RALGPS1: variants seen among roughly 807,000 people sequenced by gnomAD.
RALGPS1 encodes ras-specific guanine nucleotide-releasing factor RalGPS1.
RALGPS1 carries 19 observed loss-of-function variants against 78.8 expected under a neutral mutation model. The observed-to-expected ratio is 0.24, with a 90% confidence interval of 0.17 to 0.35. The LOEUF (loss-of-function observed/expected upper bound fraction) is 0.35. Among genes scored for constraint, RALGPS1 ranks in the 10% least tolerant of loss-of-function variants. The pLI is 1.00. For missense variants in RALGPS1, 454 were observed against 688.3 expected, an observed-to-expected ratio of 0.66 and a Z score of 3.81; for synonymous variants, 228 against 256.3, an observed-to-expected ratio of 0.89 and a Z score of 1.06.
chr9:127,087,951 A>G (rs570501934), intron 8 of RALGPS1: 3 of 152,746 alleles, frequency 2.0e-5, no homozygotes, highest in South Asian at 2.1e-4. Context: ...CTGCGAGTAC[A>G]TTATCTATAC....
chr9:127,053,467 GTAAAAATACTT>G (rs1269843502), intron 7 of RALGPS1, among the ~76,000 whole-genome samples: 1 of 152,214 alleles, frequency 6.6e-6, no homozygotes, highest in Non-Finnish European at 1.5e-5. Context: ...TTTTTCTGCT[GTAAAAATACTT>G]TAAAAATATC....
intron 11 of RALGPS1, among the ~76,000 whole-genome samples, chr9:127,175,749 T>A (rs1322850558): frequency 6.7e-6 from 1 of 149,946 alleles, no homozygotes; most frequent in Non-Finnish European, 1.5e-5. Flanking sequence ...AACGTTGGAA[T>A]GTCAAAAACA....
chr9:127,207,404 C>G (rs1260853526), intron 14 of RALGPS1, among the ~76,000 whole-genome samples: 1 of 152,162 alleles, frequency 6.6e-6, no homozygotes, highest in Non-Finnish European at 1.5e-5. Context: ...GTCAAACGGC[C>G]TTCCTAGGAC....
rs563408115 is a variant in RALGPS1 at position 127,038,435 on chromosome 9, A to C, written c.300+3921A>C. 6.3e-4 allele frequency among the ~76,000 whole-genome samples: 96 copies of C among 152,266 alleles called. 1 individual carries two copies. The highest frequency in any genetic ancestry group is 2.2e-3 in the African/African-American group (93 of 41,550). On this transcript the variant is annotated intron_variant, in intron 5 of 18. Coordinates refer to ENST00000259351, the MANE Select transcript of RALGPS1 (RefSeq NM_014636.3). The stretch of plus-strand genomic sequence containing the variant: ...TTTTCTGAACACTTTTCTAATAGAA[A>C]CTTCTGCTTTTCCAAACCTAATTTA...
At chr9:127,132,447 C>T (rs2057072148) in intron 8 of RALGPS1, among the ~76,000 whole-genome samples, 1 of 152,208 alleles carries the variant, frequency 6.6e-6, no homozygotes, top group Non-Finnish European at 1.5e-5. Context: ...TTCTGCTTCG[C>T]CTTGGAATTT....
chr9:127,198,262 G>A (rs1288259735), intron 13 of RALGPS1, among the ~76,000 whole-genome samples: 1 of 152,204 alleles, frequency 6.6e-6, no homozygotes, highest in South Asian at 2.1e-4. Context: ...GATGCCAAGG[G>A]GCCTGGGATC....
At chr9:126,957,385 C>G (rs1564305876) in intron 1 of RALGPS1, among the ~76,000 whole-genome samples, 1 of 152,138 alleles carries the variant, frequency 6.6e-6, no homozygotes, top group Non-Finnish European at 1.5e-5. Context: ...CTGGGCTCCC[C>G]TTGGGAAGAG....
intron 6 of RALGPS1, among the ~76,000 whole-genome samples, chr9:127,051,641 G>T (rs2048312971): frequency 6.6e-6 from 1 of 152,216 alleles, no homozygotes; most frequent in Non-Finnish European, 1.5e-5. Flanking sequence ...AGCTCATGTG[G>T]TGAGAGAGAA....
intron 11 of RALGPS1, among the ~76,000 whole-genome samples, chr9:127,194,051 C>T (rs890783496): frequency 2.0e-5 from 3 of 152,202 alleles, no homozygotes. Context: ...GTGAGGTTTG[C>T]GCCCCTAACT....
At chr9:127,176,866 C>T (rs2139977710) in intron 11 of RALGPS1, among the ~76,000 whole-genome samples, 1 of 152,280 alleles carries the variant, frequency 6.6e-6, no homozygotes, top group East Asian at 1.9e-4. Flanking sequence ...CTCTGTCCAT[C>T]CACAGGCCAC....
intron 8 of RALGPS1, among the ~76,000 whole-genome samples, chr9:127,130,546 T>G (rs2056933642): frequency 6.6e-6 from 1 of 152,240 alleles, no homozygotes; most frequent in African/African-American, 2.4e-5. Flanking sequence ...TTTCTCTGCC[T>G]TTTCCTTTGC....
In RALGPS1 at chr9:127,222,439, CTG is replaced by C. The variant is rs888345642; in HGVS notation, c.*3672_*3673del. On this transcript the variant is annotated 3_prime_UTR_variant, in exon 19 of 19. Transcript: ENST00000259351. ...GGTGGAATGAGAGAGTAGGGTCAAA[CTG>C]TCACAGTATCTGCTCCATAGGTTTC... 1 of 152,238 alleles carries C rather than the reference CTG, an allele frequency of 6.6e-6. No homozygotes were observed. The highest frequency in any genetic ancestry group is 1.5e-5 in the Non-Finnish European group (1 of 68,050). The allele number at this position is 152,238 out of a possible 1,614,324, so 9.4% of individuals were successfully genotyped here. A position where few individuals can be genotyped will look rare whatever the true frequency, so the allele number is the denominator to read the frequency against.
At chr9:127,092,030 G>T in intron 8 of RALGPS1, 1 of 1,504,782 alleles carries the variant, frequency 6.6e-7, no homozygotes, top group Non-Finnish European at 9.0e-7. Context: ...CTGGATAGAG[G>T]GGCCTGGGAA....
At chr9:127,039,930 G>C (rs1277578558) in intron 5 of RALGPS1, among the ~76,000 whole-genome samples, 1 of 152,184 alleles carries the variant, frequency 6.6e-6, no homozygotes, top group Non-Finnish European at 1.5e-5. Flanking sequence ...TAGAGATTGT[G>C]ATTTTCTAAG....
chr9:127,167,169 A>C (rs1411156924), intron 9 of RALGPS1, among the ~76,000 whole-genome samples: 2 of 152,168 alleles, frequency 1.3e-5, no homozygotes, highest in African/African-American at 4.8e-5. Context: ...AGGGTGTGAG[A>C]AAATCCACAG....
chr9:127,001,722 A>G (rs1001094228), intron 4 of RALGPS1, among the ~76,000 whole-genome samples: 2 of 152,114 alleles, frequency 1.3e-5, no homozygotes, highest in African/African-American at 4.8e-5. Flanking sequence ...CGTCTCTACT[A>G]AAAATATAAA....
chr9:127,182,539 C>T (rs2060338725), intron 11 of RALGPS1, among the ~76,000 whole-genome samples: 1 of 151,586 alleles, frequency 6.6e-6, no homozygotes. Flanking sequence ...AAGTGATTCT[C>T]CTGCCTCAGC....
Position 127,212,755 on chromosome 9 carries a change from C to A in RALGPS1, c.1446+36C>A. 6.4e-7 allele frequency: 1 copy of A among 1,565,208 alleles called. No individual in the cohort carries two copies. The highest frequency in any genetic ancestry group is 1.1e-5 in the South Asian group (1 of 88,980). ...TGAAAGGACTCTAGTGCTGGGACTT[C>A]CTCTAGTGGGGAAGGGACCTCTGTG... On this transcript the variant is annotated intron_variant, in intron 16 of 18. Coordinates refer to ENST00000259351, the MANE Select transcript of RALGPS1 (RefSeq NM_014636.3). The surrounding 1 kb of genome is among the most constrained non-coding windows in gnomAD (Gnocchi z 6.0).
Position 127,212,034 on chromosome 9 carries a change from T to G in RALGPS1, c.1248-97T>G. ...TTAAGTCTGGACTGCTGGGATGTCA[T>G]GGACTTGGTAGTGGGGCACCTGTGG... On this transcript the variant is annotated intron_variant, in intron 14 of 18. Coordinates refer to ENST00000259351, the MANE Select transcript of RALGPS1 (RefSeq NM_014636.3). The surrounding 1 kb of genome is among the most constrained non-coding windows in gnomAD (Gnocchi z 6.0). The G allele has an allele frequency of 1.1e-6, 1 of 941,096 alleles. No homozygotes were observed. Among genetic ancestry groups the G allele is most frequent in the South Asian group, 1.7e-5 (1 of 59,212 alleles). 58.3% of individuals were successfully genotyped at this position (941,096 alleles called of 1,614,324 possible).
Sources: allele counts gnomAD v4.1 joint callset (sites outside exome capture counted in the v4.1 genomes callset), GRCh38; gene constraint gnomAD v4.1.1; non-coding constraint Gnocchi (gnomAD v3.1); transcripts MANE v1.5; gene names NCBI Gene and HGNC (gene_info 2026-07-23, HGNC 2026-07-21).